Variants in ESRRG observed in about 807,000 individuals in gnomAD.
ESRRG encodes the protein estrogen-related receptor gamma.
ESRRG carries 13 observed loss-of-function variants against 44.0 expected under a neutral mutation model. The ratio of observed to expected loss-of-function variants is 0.30; its 90% CI spans 0.19 to 0.47. The LOEUF is 0.47. Among genes scored for constraint, ESRRG ranks in the 20% least tolerant of loss-of-function variants. The pLI, the probability that ESRRG is intolerant of heterozygous loss-of-function variation, is 1.00. For missense variants in ESRRG, 395 were observed against 580.6 expected (o/e 0.68, Z 3.29); for synonymous variants, 215 against 214.6 (o/e 1.00, Z -0.02).
At chr1:217,083,374 A>T (rs1244849253) in intron 1 of ESRRG, among the ~76,000 whole-genome samples, 1 of 152,158 alleles carries the variant, frequency 6.6e-6, no homozygotes, top group East Asian at 1.9e-4. Flanking sequence ...GGCCATACTT[A>T]AGTAAATAGT....
chr1:217,008,835 C>A (rs2078128652), intron 1 of ESRRG, among the ~76,000 whole-genome samples: 1 of 152,080 alleles, frequency 6.6e-6, no homozygotes, highest in Non-Finnish European at 1.5e-5. Context: ...GACTAGCATT[C>A]CCCAACTAAC....
At chr1:216,778,387 C>G (rs1391398394) in intron 2 of ESRRG, among the ~76,000 whole-genome samples, 2 of 151,924 alleles carry the variant, frequency 1.3e-5, no homozygotes, top group Non-Finnish European at 2.9e-5. Flanking sequence ...GGGAGGGACT[C>G]AACTGTGAAC....
chr1:216,804,306 T>C (rs559349093), intron 2 of ESRRG, among the ~76,000 whole-genome samples: 1 of 152,268 alleles, frequency 6.6e-6, no homozygotes, highest in East Asian at 1.9e-4. Flanking sequence ...CTCGCTTAAC[T>C]GAGCAAAGAT....
At chr1:216,830,273 G>T (rs2095467251) in intron 2 of ESRRG, among the ~76,000 whole-genome samples, 1 of 152,178 alleles carries the variant, frequency 6.6e-6, no homozygotes, top group Non-Finnish European at 1.5e-5. Context: ...GGCCACGGAG[G>T]AACAATTTGG....
intron 1 of ESRRG, among the ~76,000 whole-genome samples, chr1:216,953,877 A>C (rs2067433749): frequency 6.6e-6 from 1 of 152,106 alleles, no homozygotes; most frequent in African/African-American, 2.4e-5. Flanking sequence ...CTATTAAAAC[A>C]ATCATATGGT....
At chr1:217,088,749 T>G (rs2092247625) in intron 1 of ESRRG, among the ~76,000 whole-genome samples, 1 of 152,012 alleles carries the variant, frequency 6.6e-6, no homozygotes, top group South Asian at 2.1e-4. Context: ...TGGAAAAGGT[T>G]GCCGGAAGGG....
intron 2 of ESRRG, among the ~76,000 whole-genome samples, chr1:216,793,649 A>T (rs545224643): frequency 1.3e-5 from 2 of 152,226 alleles, no homozygotes; most frequent in South Asian, 4.1e-4. Flanking sequence ...CAGGTTCCTG[A>T]CTCTCAGAAA....
chr1:216,631,890 C>T (rs1003334158), intron 3 of ESRRG, among the ~76,000 whole-genome samples: 1 of 151,988 alleles, frequency 6.6e-6, no homozygotes, highest in African/African-American at 2.4e-5. Context: ...AGAGGTGGGA[C>T]AAGGATTGGG....
chr1:216,594,668 T>C (rs1366978075), intron 3 of ESRRG, among the ~76,000 whole-genome samples: 1 of 152,218 alleles, frequency 6.6e-6, no homozygotes, highest in Non-Finnish European at 1.5e-5. Flanking sequence ...TTTCTTGCTA[T>C]GTGACCTTTG....
intron 1 of ESRRG, among the ~76,000 whole-genome samples, chr1:217,102,586 G>C (rs1558263505): frequency 6.6e-6 from 1 of 152,068 alleles, no homozygotes. Context: ...CTTTTAAAAA[G>C]TTAAAATTTT....
At chr1:216,556,047 T>C (rs993577537) in intron 5 of ESRRG, among the ~76,000 whole-genome samples, 6 of 152,062 alleles carry the variant, frequency 3.9e-5, no homozygotes, top group Non-Finnish European at 7.4e-5. Context: ...CTTTTAGAGG[T>C]GGAAAAAGCT....
intron 3 of ESRRG, among the ~76,000 whole-genome samples, chr1:216,650,770 C>T (rs988982942): frequency 6.6e-6 from 1 of 152,170 alleles, no homozygotes; most frequent in Admixed American, 6.6e-5. Context: ...ATCAGATCCT[C>T]CTACCTTGTC....
At chr1:216,798,720 G>A (rs1267735718) in intron 2 of ESRRG, among the ~76,000 whole-genome samples, 2 of 152,120 alleles carry the variant, frequency 1.3e-5, no homozygotes, top group East Asian at 3.9e-4. Context: ...AGAGAAAATT[G>A]AACAGATTTG....
rs144805186 is a variant in ESRRG at position 216,963,665 on chromosome 1, G to A, written c.-105-23992C>T. Among the ~76,000 whole-genome samples the A allele has an allele frequency of 2.6e-4, 40 of 152,248 alleles. 1 individual carries two copies. In the East Asian group the frequency reaches 7.5e-3, roughly 29 times the overall value. On this transcript the variant is annotated intron_variant, in intron 1 of 7. Coordinates refer to the ESRRG transcript ENST00000359162. The stretch of plus-strand genomic sequence containing the variant: ...GACATTTTGCCAAATATTAAGCCAC[G>A]CAGTGGTGTCCTTAGGGAAACCCGA...
intron 2 of ESRRG, among the ~76,000 whole-genome samples, chr1:216,652,649 T>C (rs918767120): frequency 1.2e-4 from 18 of 152,092 alleles, no homozygotes; most frequent in Admixed American, 9.2e-4. Context: ...ACCATCACCT[T>C]CCTTGGAGAT....
chr1:216,577,716 T>C (rs761277488), intron 3 of ESRRG, among the ~76,000 whole-genome samples: 83 of 151,904 alleles, frequency 5.5e-4, no homozygotes, highest in Non-Finnish European at 2.1e-4. Flanking sequence ...ATGAATATAG[T>C]GGAATATAGT....
chr1:216,775,099 G>A (rs996875862), intron 2 of ESRRG, among the ~76,000 whole-genome samples: 9 of 151,904 alleles, frequency 5.9e-5, no homozygotes, highest in Non-Finnish European at 1.3e-4. Context: ...GTGAGCCACC[G>A]TGCCCAGCCT....
At chr1:216,578,823 C>T (rs1332827858) in intron 3 of ESRRG, among the ~76,000 whole-genome samples, 1 of 152,084 alleles carries the variant, frequency 6.6e-6, no homozygotes, top group Non-Finnish European at 1.5e-5. Context: ...TGCCTTGAGA[C>T]CTGAGCTATC....
intron 2 of ESRRG, among the ~76,000 whole-genome samples, chr1:216,923,910 C>T (rs1365517961): frequency 6.6e-6 from 1 of 152,082 alleles, no homozygotes; most frequent in Non-Finnish European, 1.5e-5. Context: ...CAGGCAGTGG[C>T]CATAATTAAT....
Sources: gnomAD v4.1 joint callset for allele counts (sites outside exome capture counted in the v4.1 genomes callset) on GRCh38, gnomAD v4.1.1 for gene constraint, MANE v1.5 for transcripts, NCBI Gene and HGNC (gene_info 2026-07-23, HGNC 2026-07-21) for gene names.